Variants in LAMA4 observed in about 807,000 individuals in gnomAD.
The protein encoded by LAMA4 is laminin subunit alpha-4.
A neutral mutation model predicts 207.1 loss-of-function variants in LAMA4; 127 were observed. The ratio of observed to expected loss-of-function variants is 0.61; its 90% CI spans 0.53 to 0.71. The LOEUF (loss-of-function observed/expected upper bound fraction) is 0.71, where lower values mean the gene tolerates loss of function less well. Ranked by LOEUF, LAMA4 falls within the 30% of genes least tolerant of loss-of-function variation. The pLI is 0.00. For missense variants in LAMA4, 2,093 were observed against 2,246.5 expected (o/e 0.93, Z 1.38); for synonymous variants, 761 against 816.0 (o/e 0.93, Z 1.15).
chr6:112,184,235 GATC>G (rs1782547234), intron 9 of LAMA4, among the ~76,000 whole-genome samples: 1 of 150,232 alleles, frequency 6.7e-6, no homozygotes, highest in African/African-American at 2.5e-5. Flanking sequence ...AATTTTTGTT[GATC>G]ATGAGAATTG....
intron 16 of LAMA4, among the ~76,000 whole-genome samples, chr6:112,154,503 GC>G (rs1554336440): frequency 1.3e-5 from 2 of 151,888 alleles, no homozygotes; most frequent in African/African-American, 4.8e-5. Context: ...GAAATTTTGT[GC>G]AATATAGTTT....
chr6:112,195,333 T>C (rs1412474075), intron 5 of LAMA4, among the ~76,000 whole-genome samples: 1 of 152,200 alleles, frequency 6.6e-6, no homozygotes, highest in Non-Finnish European at 1.5e-5. Context: ...GTATGTAACC[T>C]ATTCAGGGTC....
intron 8 of LAMA4, chr6:112,187,190 A>G: frequency 1.8e-6 from 1 of 558,136 alleles, no homozygotes; most frequent in Non-Finnish European, 3.2e-6. Flanking sequence ...GGGCATAGAT[A>G]CTAGTCTTTT....
chr6:112,168,219 G>A (rs1781503647), intron 12 of LAMA4, among the ~76,000 whole-genome samples: 1 of 150,840 alleles, frequency 6.6e-6, no homozygotes, highest in Non-Finnish European at 1.5e-5. Flanking sequence ...AAAAAGGAGT[G>A]ACTCCTAGAC....
At chr6:112,236,227 T>C (rs1422527456) in intron 2 of LAMA4, 1 of 152,226 alleles carries the variant, frequency 6.6e-6, no homozygotes, top group Admixed American at 6.5e-5. Context: ...GTTAGCAGCA[T>C]GATGATTTCC....
chr6:112,181,956 A>T (rs143496226), intron 9 of LAMA4, among the ~76,000 whole-genome samples: 3,572 of 152,154 alleles, frequency 0.023, 138 homozygotes, highest in African/African-American at 0.081. Context: ...AAGTAGCCGG[A>T]CGTGGTGGCA....
At chr6:112,114,801 G>T in intron 36 of LAMA4, 45 bp from the exon 37 acceptor site, 1 of 1,298,018 alleles carries the variant, frequency 7.7e-7, no homozygotes, top group Non-Finnish European at 1.1e-6. Context: ...TGTCCTCATT[G>T]TGATAAAACT....
At chr6:112,248,993 A>G (rs1174012711) in intron 2 of LAMA4, among the ~76,000 whole-genome samples, 1 of 152,236 alleles carries the variant, frequency 6.6e-6, no homozygotes, top group East Asian at 1.9e-4. Context: ...AGAAGTCAAC[A>G]AGTATTAGTT....
intron 16 of LAMA4, among the ~76,000 whole-genome samples, chr6:112,153,474 A>G (rs1177142770): frequency 6.6e-6 from 1 of 152,178 alleles, no homozygotes; most frequent in Non-Finnish European, 1.5e-5. Flanking sequence ...GAGATTTATC[A>G]GACATAAAAT....
At chr6:112,251,327 G>A (rs985359450) in intron 2 of LAMA4, 4 of 152,268 alleles carry the variant, frequency 2.6e-5, no homozygotes, top group African/African-American at 7.2e-5. Context: ...TTTGTGTCTT[G>A]GGCCAAGTAC....
chr6:112,139,426 G>T, intron 23 of LAMA4, 135 bp from the exon 24 acceptor site: 1 of 966,648 alleles, frequency 1.0e-6, no homozygotes, highest in Non-Finnish European at 1.6e-6. Context: ...TGTCTGCAAG[G>T]AAGAGATAAA....
chr6:112,195,255 C>G (rs3777930), intron 5 of LAMA4, among the ~76,000 whole-genome samples: 93,654 of 152,028 alleles, frequency 0.62, 31,207 homozygotes, highest in African/African-American at 0.89. Context: ...AGAACTTGTT[C>G]CAAAGTAGGT....
chr6:112,142,387 T>C, intron 19 of LAMA4, 95 bp from the exon 20 acceptor site: 1 of 1,058,218 alleles, frequency 9.4e-7, no homozygotes, highest in South Asian at 1.3e-5. Context: ...GCCTATAAAC[T>C]CTCTTCACCT....
chr6:112,137,637 A>G (rs560129614), intron 24 of LAMA4, among the ~76,000 whole-genome samples: 6 of 152,358 alleles, frequency 3.9e-5, no homozygotes, highest in Non-Finnish European at 7.4e-5. Context: ...GTGGCTAGTT[A>G]TATGGATTTA....
chr6:112,253,481 C>A, intron 2 of LAMA4: 3 of 399,506 alleles, frequency 7.5e-6, no homozygotes, highest in South Asian at 6.6e-5. Flanking sequence ...CTCTCACTCA[C>A]CCCCTCACCT....
chr6:112,144,755 A>G (rs1476096963), intron 19 of LAMA4, 39 bp downstream of exon 19: 1 of 1,608,604 alleles, frequency 6.2e-7, no homozygotes, highest in Non-Finnish European at 8.5e-7. Flanking sequence ...TCGTGTTATT[A>G]TTACCGCTGA....
chr6:112,194,375 T>C (rs1783290928), intron 5 of LAMA4, among the ~76,000 whole-genome samples: 1 of 152,208 alleles, frequency 6.6e-6, no homozygotes, highest in Non-Finnish European at 1.5e-5. Context: ...CCCTGGTCTT[T>C]TACAAGAGAA....
chr6:112,141,151 CT>C lies in LAMA4; in HGVS notation c.2813+206del, dbSNP rs144560300. On this transcript the variant is annotated intron_variant, in intron 21 of 38. Transcript: ENST00000230538. ...TAATCAGATCGTGATTTAGAAATGA[CT>C]TTTTTTTTTCTTTCCTACTAAGGTG... Among the ~76,000 whole-genome samples the C allele has an allele frequency of 0.015, 2,202 of 149,900 alleles. 47 individuals are homozygous for C. Among genetic ancestry groups the C allele is most frequent in the East Asian group, 0.079 (406 of 5,144 alleles).
chr6:112,163,468 C>G (rs1308934893), intron 13 of LAMA4, among the ~76,000 whole-genome samples: 7 of 152,026 alleles, frequency 4.6e-5, no homozygotes, highest in Non-Finnish European at 7.4e-5. Flanking sequence ...AACCGCTAGC[C>G]AGGGTAGAGG....
Sources: allele counts gnomAD v4.1 joint callset (sites outside exome capture counted in the v4.1 genomes callset), GRCh38; gene constraint gnomAD v4.1.1; transcripts MANE v1.5; gene names NCBI Gene and HGNC (gene_info 2026-07-23, HGNC 2026-07-21).